ZNF431: variants seen among roughly 807,000 people sequenced by gnomAD.
The protein encoded by ZNF431 is zinc finger protein 431.
ZNF431 carries 34 observed loss-of-function variants against 57.0 expected under a neutral mutation model. That is an observed-to-expected ratio of 0.60 (90% CI 0.45 to 0.79). The LOEUF (loss-of-function observed/expected upper bound fraction) is 0.79, where lower values mean the gene tolerates loss of function less well. Among genes scored for constraint, ZNF431 ranks in the 30% least tolerant of loss-of-function variants. ZNF431 has a pLI of 0.00. For synonymous variants in ZNF431, 207 were observed against 220.3 expected, an observed-to-expected ratio of 0.94 and a Z score of 0.54; for missense variants, 607 against 667.1, an observed-to-expected ratio of 0.91 and a Z score of 0.99.
intron 2 of ZNF431, among the ~76,000 whole-genome samples, chr19:21,151,588 G>A (rs1661585390): frequency 1.3e-5 from 2 of 152,112 alleles, no homozygotes; most frequent in Non-Finnish European, 2.9e-5. Context: ...CTGAACCTGG[G>A]CCACCATTAT....
chr19:21,182,863 A>C lies in ZNF431; in HGVS notation c.560A>C (p.Lys187Thr). 6.2e-7 allele frequency: 1 copy of C among 1,613,978 alleles called. No homozygotes were observed. Among genetic ancestry groups the C allele is most frequent in the Non-Finnish European group, 8.5e-7 (1 of 1,179,918 alleles). Reference sequence around the variant, plus strand: ...GATAAATATGTGAAAGTCTTTCATAAATTTTTAAATGCAAATAGACATAAG... The same window carrying C: ...GATAAATATGTGAAAGTCTTTCATACATTTTTAAATGCAAATAGACATAAG... ...PCDKYVKVFH[K>T]FLNANRHKTR... Residue 187 changes from lysine (K) to threonine (T), a missense_variant, in exon 5 of 5, where the codon AAA becomes ACA. By Grantham distance (78) the Lys-to-Thr change is moderately conservative. Coordinates refer to ENST00000311048, the MANE Select transcript of ZNF431 (RefSeq NM_133473.4).
chr19:21,150,137 C>T (rs1019807536), intron 2 of ZNF431: 4 of 627,116 alleles, frequency 6.4e-6, no homozygotes, highest in Admixed American at 2.0e-5. Context: ...TGTCTCTGGT[C>T]TGTACTTGTA....
At chr19:21,173,879 T>A (rs1436772371) in intron 4 of ZNF431, among the ~76,000 whole-genome samples, 3 of 152,198 alleles carry the variant, frequency 2.0e-5, no homozygotes, top group Non-Finnish European at 4.4e-5. Context: ...GCTTTTCTTT[T>A]CAAATGGTTT....
chr19:21,177,983 C>G (rs1971107142), intron 4 of ZNF431, among the ~76,000 whole-genome samples: 1 of 151,870 alleles, frequency 6.6e-6, no homozygotes, highest in African/African-American at 2.4e-5. Context: ...TTTGTGTCCT[C>G]TCTGATTTTC....
intron 4 of ZNF431, among the ~76,000 whole-genome samples, chr19:21,175,190 C>G (rs979886183): frequency 6.6e-5 from 10 of 152,172 alleles, no homozygotes; most frequent in Non-Finnish European, 1.0e-4. Flanking sequence ...AACTGGGTTG[C>G]AAATGTTTGC....
chr19:21,185,024 AAC>A lies in ZNF431; in HGVS notation c.*992_*993del, dbSNP rs1282834336. On this transcript the variant is annotated 3_prime_UTR_variant, in exon 5 of 5. Transcript: ENST00000311048. ...TGTGCAAATATAATAAATTTGGAAA[AAC>A]AATTTTTCAAAAACTACAGCTTAGA... The A allele has an allele frequency of 6.6e-6, 1 of 152,198 alleles. No individual in the cohort carries two copies. Among genetic ancestry groups the A allele is most frequent in the Non-Finnish European group, 1.5e-5 (1 of 68,032 alleles). 9.4% of individuals were successfully genotyped at this position (152,198 alleles called of 1,614,324 possible). A position where few individuals can be genotyped will look rare whatever the true frequency, so the allele number is the denominator to read the frequency against.
intron 2 of ZNF431, among the ~76,000 whole-genome samples, chr19:21,151,833 A>G (rs1314503233): frequency 2.0e-5 from 3 of 152,292 alleles, no homozygotes; most frequent in Non-Finnish European, 4.4e-5. Flanking sequence ...GCATTCCCAT[A>G]TTAATTAGAA....
chr19:21,143,928 A>T (rs1970010863), intron 2 of ZNF431, among the ~76,000 whole-genome samples: 1 of 152,160 alleles, frequency 6.6e-6, no homozygotes, highest in Non-Finnish European at 1.5e-5. Context: ...ATGGTGTAAG[A>T]ACTTGCAAAG....
At position 21,183,001 on chromosome 19, in the gene ZNF431, A is replaced by G. The variant is rs780641898; in HGVS notation, c.698A>G (p.Gln233Arg). The change falls in exon 5 of 5, where the codon CAA becomes CGA. Residue 233 changes from glutamine to arginine, a missense_variant. Physicochemically the swap from Gln to Arg is conservative, Grantham distance 43 (BLOSUM62 1). Transcript: ENST00000311048. ...ATTCATATTAGAGAGAATTCTTACC[A>G]ATGTGAAGAATGTGGCAAAGCTTTT... ...KRIHIRENSY[Q>R]CEECGKAFKW... 5.6e-6 allele frequency: 9 copies of G among 1,614,022 alleles called. No individual in the cohort carries two copies. The highest frequency in any genetic ancestry group is 5.0e-5 in the Admixed American group (3 of 60,006).
rs1463093794 is a variant in ZNF431, at chr19:21,187,358, C to T, written c.*3324C>T. On this transcript the variant is annotated 3_prime_UTR_variant, in exon 5 of 5. Transcript: ENST00000311048. ...GGCTGAGTCAGGAGAATTGCTTGAACCCGGAGGTGAAGATTGGAGTAAGCC... is the reference window on the plus strand; with the variant it reads ...GGCTGAGTCAGGAGAATTGCTTGAATCCGGAGGTGAAGATTGGAGTAAGCC... 2.0e-5 allele frequency: 3 copies of T among 150,766 alleles called. No individual in the cohort carries two copies. Among genetic ancestry groups the T allele is most frequent in the Non-Finnish European group, 4.4e-5 (3 of 67,924 alleles). 9.3% of individuals were successfully genotyped at this position (150,766 alleles called of 1,614,324 possible).
At chr19:21,157,848 ATTTTTT>A (rs112684254) in intron 2 of ZNF431, among the ~76,000 whole-genome samples, 3 of 137,692 alleles carry the variant, frequency 2.2e-5, no homozygotes, top group Non-Finnish European at 4.7e-5. Flanking sequence ...TTTTTAATGA[ATTTTTT>A]TTTTTTTTTT....
At chr19:21,149,578 T>G (rs1970206947) in intron 2 of ZNF431, 1 of 91,452 alleles carries the variant, frequency 1.1e-5, no homozygotes, top group Non-Finnish European at 2.0e-5. Flanking sequence ...GTCAATTTCT[T>G]TCTTTTTTTT....
chr19:21,173,259 A>G (rs1156381870), intron 4 of ZNF431, among the ~76,000 whole-genome samples: 1 of 152,170 alleles, frequency 6.6e-6, no homozygotes, highest in Non-Finnish European at 1.5e-5. Flanking sequence ...ATGTTCAAAT[A>G]TGTCTTCTAG....
chr19:21,159,755 T>C (rs889605313), intron 2 of ZNF431, among the ~76,000 whole-genome samples: 1 of 152,206 alleles, frequency 6.6e-6, no homozygotes, highest in Non-Finnish European at 1.5e-5. Flanking sequence ...ATACCAGCTC[T>C]TTGTACATCA....
At position 21,183,359 on chromosome 19, in the gene ZNF431, T is replaced by G; in HGVS notation, c.1056T>G (p.Ala352=). Residue 352 remains alanine (A), a synonymous_variant, in exon 5 of 5, where the codon GCT becomes GCG. Coordinates refer to ENST00000311048, the MANE Select transcript of ZNF431 (RefSeq NM_133473.4). The stretch of plus-strand genomic sequence containing the variant: ...ACAAATGTGAGGAATGTGACAAAGC[T>G]TTTAATCGATTCTCATACCTTACTA... ...KPYKCEECDK[A]FNRFSYLTKH... 1 of 1,613,496 alleles carries G rather than the reference T, an allele frequency of 6.2e-7. No individual in the cohort carries two copies. Among genetic ancestry groups the G allele is most frequent in the Non-Finnish European group, 8.5e-7 (1 of 1,179,772 alleles).
intron 4 of ZNF431, among the ~76,000 whole-genome samples, chr19:21,174,661 A>G (rs1394580059): frequency 6.6e-6 from 1 of 152,210 alleles, no homozygotes; most frequent in African/African-American, 2.4e-5. Context: ...CTCAATGCTA[A>G]AATGCCTCTC....
chr19:21,175,298 A>G (rs1434485109), intron 4 of ZNF431, among the ~76,000 whole-genome samples: 1 of 152,036 alleles, frequency 6.6e-6, no homozygotes, highest in Non-Finnish European at 1.5e-5. Context: ...TAAAGTGATC[A>G]GCTCCCTTGG....
intron 4 of ZNF431, among the ~76,000 whole-genome samples, chr19:21,176,216 G>A (rs1971047896): frequency 1.4e-5 from 2 of 145,794 alleles, no homozygotes; most frequent in South Asian, 4.4e-4. Context: ...TTTGAGAAGT[G>A]TTTCTTCTTG....
rs1241122652 is a variant in ZNF431, at chr19:21,182,754, G to A, written c.451G>A (p.Val151Ile). 2 of 1,613,946 alleles carry A rather than the reference G, an allele frequency of 1.2e-6. No individual in the cohort carries two copies. Among genetic ancestry groups the A allele is most frequent in the Non-Finnish European group, 1.7e-6 (2 of 1,179,888 alleles). ...ACAGTTAAGAAAAGGCTCCGCAAGT[G>A]TAGATGAGTATAAGGTGCACAAAGA... ...NLQLRKGSAS[V>I]DEYKVHKEGY... The change falls in exon 5 of 5, where the codon GTA becomes ATA. Residue 151 changes from valine (V) to isoleucine (I), a missense_variant. Transcript: ENST00000311048.
Sources: gnomAD v4.1 joint callset for allele counts (sites outside exome capture counted in the v4.1 genomes callset) on GRCh38, gnomAD v4.1.1 for gene constraint, MANE v1.5 for transcripts, NCBI Gene and HGNC (gene_info 2026-07-23, HGNC 2026-07-21) for gene names.